The following RIOX2 variants were observed in gnomAD, a reference collection of about 807,000 sequenced individuals.
RIOX2 encodes the protein ribosomal oxygenase 2, also known as 60S ribosomal protein L27a histidine hydroxylase.
A neutral mutation model predicts 51.2 loss-of-function variants in RIOX2; 43 were observed. That is an observed-to-expected ratio of 0.84 (90% CI 0.66 to 1.08). The LOEUF is 1.08. RIOX2 is among the 50% of genes least tolerant of loss of function. RIOX2 has a pLI of 0.00. For missense variants in RIOX2, 566 were observed against 561.7 expected (o/e 1.01, Z -0.08); for synonymous variants, 226 against 218.5 (o/e 1.03, Z -0.30).
At chr3:97,947,820 T>A (rs1264198920) in intron 7 of RIOX2, among the ~76,000 whole-genome samples, 1 of 152,312 alleles carries the variant, frequency 6.6e-6, no homozygotes, top group South Asian at 2.1e-4. Context: ...GCTCAACATA[T>A]GGACTCTGGA....
rs1055238248 is a variant in RIOX2 at position 97,972,427 on chromosome 3, G to T, written c.-86C>A. 1 of 150,864 alleles carries T rather than the reference G, an allele frequency of 6.6e-6. No individual in the cohort carries two copies. Among genetic ancestry groups the T allele is most frequent in the African/African-American group, 2.4e-5 (1 of 41,212 alleles). The allele number at this position is 150,864 out of a possible 1,614,324, so 9.3% of individuals were successfully genotyped here. The stretch of plus-strand genomic sequence containing the variant: ...GGCCGCGAGCCCACTGCGTTGCGGC[G>T]CAGCGGCTGGAGGCGGGGCAGCGTG... On this transcript the variant is annotated 5_prime_UTR_variant, in exon 1 of 10. Transcript: ENST00000394198.
chr3:97,946,604 A>ATCTATATATC (rs1553712246), intron 8 of RIOX2, among the ~76,000 whole-genome samples: 4 of 139,718 alleles, frequency 2.9e-5, no homozygotes, highest in African/African-American at 2.7e-5. Flanking sequence ...ATATATATAT[A>ATCTATATATC]TATCTATTCA....
rs1393159930 is a variant in RIOX2, at chr3:97,960,320, C to T, written c.553-1141G>A. Among the ~76,000 whole-genome samples the T allele has an allele frequency of 3.3e-5, 5 of 152,302 alleles. No individual in the cohort carries two copies. In the East Asian group the frequency reaches 5.8e-4, roughly 18 times the overall value. ...CTTGTAAACAAATGATGTAAACTTA[C>T]GGTACTGATAAACACAATATTAAAA... is the stretch of plus-strand genomic sequence containing the variant. On this transcript the variant is annotated intron_variant, in intron 3 of 9. Coordinates refer to ENST00000394198, the MANE Select transcript of RIOX2 (RefSeq NM_153182.4).
chr3:97,949,847 G>A lies in RIOX2; in HGVS notation c.1057C>T (p.Pro353Ser). Residue 353 changes from proline (P) to serine (S), a missense_variant, in exon 7 of 10, where the codon CCA (proline) becomes TCA (serine). By Grantham distance (74) the Pro-to-Ser change is moderately conservative. Transcript: ENST00000394198. ...AGAAGAAAACAGCAAGCTCCACCTG[G>A]TGTTGACAGCTCTGCCCCATCTCCC... ...SAGDGAELST[P>S]GGKLPRLDSV... 6.2e-7 allele frequency: 1 copy of A among 1,612,458 alleles called. No individual in the cohort carries two copies. Among genetic ancestry groups the A allele is most frequent in the Non-Finnish European group, 8.5e-7 (1 of 1,179,280 alleles).
chr3:97,956,895 G>T (rs1559760220), intron 4 of RIOX2, among the ~76,000 whole-genome samples: 3 of 152,340 alleles, frequency 2.0e-5, no homozygotes, highest in African/African-American at 4.8e-5. Flanking sequence ...AGGAAACTGA[G>T]ACTTGGATTA....
Position 97,945,344 on chromosome 3 carries a change from TGAA to T in RIOX2, c.1240-5_1240-3del. On this transcript the variant is annotated splice_region_variant and splice_polypyrimidine_tract_variant and intron_variant, in intron 9 of 9. Transcript: ENST00000394198. ...CAAAGGGAAGCGAAGTCCATGAAAC[TGAA>T]AGGATAAATTTATTTGTCAAAATAT... is the stretch of plus-strand genomic sequence containing the variant. 1 of 1,607,294 alleles carries T rather than the reference TGAA, an allele frequency of 6.2e-7. No homozygotes were observed. Among genetic ancestry groups the T allele is most frequent in the Non-Finnish European group, 8.5e-7 (1 of 1,177,248 alleles).
chr3:97,958,414 G>A (rs531450448), intron 4 of RIOX2, among the ~76,000 whole-genome samples: 10 of 152,270 alleles, frequency 6.6e-5, no homozygotes, highest in African/African-American at 2.2e-4. Flanking sequence ...GATTGGCTAT[G>A]TTCCCATCGA....
chr3:97,959,066 A>G lies in RIOX2; in HGVS notation c.666T>C (p.His222=), dbSNP rs1044688829. ...EAEERIGRPV[H]EFMLKPGDLL... ...TATCACATACCTTCAGCATAAACTCATGCACCGGCCTGCCGATCCTTTCCT... is the reference window on the plus strand; with the variant it reads ...TATCACATACCTTCAGCATAAACTCGTGCACCGGCCTGCCGATCCTTTCCT... The change falls in exon 4 of 10, where the codon CAT becomes CAC. Residue 222 remains histidine (H), a synonymous_variant. Transcript: ENST00000394198. 2 of 1,611,530 alleles carry G rather than the reference A, an allele frequency of 1.2e-6. No individual in the cohort carries two copies. The highest frequency in any genetic ancestry group is 1.7e-6 in the Non-Finnish European group (2 of 1,178,222).
rs202101403 is a variant in RIOX2 at position 97,961,592 on chromosome 3, G to A, written c.549C>T (p.Val183=). 4.4e-6 allele frequency: 7 copies of A among 1,596,978 alleles called. No individual in the cohort carries two copies. Among genetic ancestry groups the A allele is most frequent in the South Asian group, 1.1e-5 (1 of 87,260 alleles). ...SQGLPPHYDD[V]EVFILQLEGE... is the part of the protein sequence containing the mutation. The stretch of plus-strand genomic sequence containing the variant: ...GGCAATTTTCTCCATCTCTTACCTC[G>A]ACATCATCATAATGGGGCGGCAGGC... Residue 183 remains valine (V), a synonymous_variant, in exon 3 of 10, where the codon GTC becomes GTT. Transcript: ENST00000394198.
chr3:97,943,068 G>T lies in RIOX2; in HGVS notation c.*2116C>A. On this transcript the variant is annotated 3_prime_UTR_variant, in exon 10 of 10. Transcript: ENST00000394198. ...AAGGTCCAATTTGAGGTGAATAATGGCTAAGCCTGTTCAAACTCAGCTTCC... is the reference window on the plus strand; with the variant it reads ...AAGGTCCAATTTGAGGTGAATAATGTCTAAGCCTGTTCAAACTCAGCTTCC... The T allele has an allele frequency of 1.7e-6, 1 of 594,670 alleles. No individual in the cohort carries two copies. The allele number at this position is 594,670 out of a possible 1,614,324, so 36.8% of individuals were successfully genotyped here.
intron 8 of RIOX2, 49 bp downstream of exon 8, chr3:97,947,312 T>G (rs139208573): frequency 1.0e-4 from 156 of 1,487,038 alleles, no homozygotes; most frequent in Middle Eastern, 6.9e-4. Flanking sequence ...AGGCCTCTGA[T>G]GAAAAACACC....
chr3:97,971,600 T>C (rs1382286223), intron 1 of RIOX2: 3 of 152,214 alleles, frequency 2.0e-5, no homozygotes, highest in Admixed American at 6.5e-5. Context: ...CTCAATGTAT[T>C]TTCGTGACCA....
chr3:97,959,039 G>C lies in RIOX2; in HGVS notation c.681+12C>G, dbSNP rs758142821. On this transcript the variant is annotated intron_variant, in intron 4 of 9. Coordinates refer to ENST00000394198, the MANE Select transcript of RIOX2 (RefSeq NM_153182.4). ...CTCTAACAATGAGGTGCCCACAACG[G>C]TTATCACATACCTTCAGCATAAACT... 1.9e-6 allele frequency: 3 copies of C among 1,603,782 alleles called. No homozygotes were observed. The highest frequency in any genetic ancestry group is 3.3e-4 in the Middle Eastern group (2 of 6,002).
rs781444302 is a variant in RIOX2, at chr3:97,961,677, T to C, written c.464A>G (p.Glu155Gly). ...GCCAACCAAGGAGCCAAAGTAACAT[T>C]CCAGCTTCTCCTGGATCCTCCAAAG... is the stretch of plus-strand genomic sequence containing the variant. The part of the protein sequence containing the change: ...DELWRIQEKL[E>G]CYFGSLVGSN... The change falls in exon 3 of 10, where the codon GAA becomes GGA. Residue 155 changes from glutamate to glycine, a missense_variant. Physicochemically the swap from Glu to Gly is moderately conservative, Grantham distance 98 (BLOSUM62 -2). Transcript: ENST00000394198. The C allele has an allele frequency of 7.4e-6, 12 of 1,612,058 alleles. No individual in the cohort carries two copies. Among genetic ancestry groups the C allele is most frequent in the Non-Finnish European group, 9.3e-6 (11 of 1,179,420 alleles).
intron 5 of RIOX2, among the ~76,000 whole-genome samples, chr3:97,953,836 G>C (rs972880018): frequency 8.5e-5 from 13 of 152,262 alleles, no homozygotes; most frequent in African/African-American, 3.1e-4. Context: ...AGTTCCTGCT[G>C]TTCCAGACTG....
Position 97,949,841 on chromosome 3 carries a change from C to CACCTGGTG in RIOX2, c.1055_1060+2dup. 1.2e-6 allele frequency: 2 copies of CACCTGGTG among 1,612,974 alleles called. No homozygotes were observed. The highest frequency in any genetic ancestry group is 1.7e-6 in the Non-Finnish European group (2 of 1,179,530). On this transcript the variant is annotated splice_region_variant and intron_variant, in intron 7 of 9. Coordinates refer to ENST00000394198, the MANE Select transcript of RIOX2 (RefSeq NM_153182.4). Reference sequence around the variant, plus strand: ...CCACCCAGAAGAAAACAGCAAGCTCCACCTGGTGTTGACAGCTCTGCCCCA... The same window carrying CACCTGGTG: ...CCACCCAGAAGAAAACAGCAAGCTCCACCTGGTGACCTGGTGTTGACAGCTCTGCCCCA...
At position 97,943,144 on chromosome 3, in the gene RIOX2, T is replaced by G. The variant is rs951151453; in HGVS notation, c.*2040A>C. 1.3e-6 allele frequency: 1 copy of G among 751,968 alleles called. No individual in the cohort carries two copies. The highest frequency in any genetic ancestry group is 2.3e-6 in the Non-Finnish European group (1 of 442,970). The allele number at this position is 751,968 out of a possible 1,614,324, so 46.6% of individuals were successfully genotyped here. A position where few individuals can be genotyped will look rare whatever the true frequency, so the allele number is the denominator to read the frequency against. On this transcript the variant is annotated 3_prime_UTR_variant, in exon 10 of 10. Transcript: ENST00000394198. ...ACATTCATCCACCGAAATGGTGAGCTGAACAGAAGCTTGTGAAAATTGTGA... is the reference window on the plus strand; with the variant it reads ...ACATTCATCCACCGAAATGGTGAGCGGAACAGAAGCTTGTGAAAATTGTGA...
rs755132591 is a variant in RIOX2, at chr3:97,943,350, G to A, written c.*1834C>T. 8.3e-7 allele frequency: 1 copy of A among 1,209,536 alleles called. No individual in the cohort carries two copies. 74.9% of individuals were successfully genotyped at this position (1,209,536 alleles called of 1,614,324 possible). ...ATCCCTAGAAAGATCCCTAGAAAGA[G>A]CAAAGAAGGAAACACATCTGTCATT... On this transcript the variant is annotated 3_prime_UTR_variant, in exon 10 of 10. Coordinates refer to ENST00000394198, the MANE Select transcript of RIOX2 (RefSeq NM_153182.4).
At position 97,950,016 on chromosome 3, in the gene RIOX2, C is replaced by T; in HGVS notation, c.889-1G>A. ...TAGCAACAGTTGTGGATTCCACCTG[C>T]TAGGAACACAGAAGTGAGTCCTGGC... On this transcript the variant is annotated splice_acceptor_variant, in intron 6 of 9. Transcript: ENST00000394198. LOFTEE classifies it high-confidence loss of function. 1 of 1,613,178 alleles carries T rather than the reference C, an allele frequency of 6.2e-7. No individual in the cohort carries two copies. The highest frequency in any genetic ancestry group is 8.5e-7 in the Non-Finnish European group (1 of 1,179,782).
Sources: gnomAD v4.1 joint callset for allele counts (sites outside exome capture counted in the v4.1 genomes callset) on GRCh38, gnomAD v4.1.1 for gene constraint, MANE v1.5 for transcripts, NCBI Gene and HGNC (gene_info 2026-07-23, HGNC 2026-07-21) for gene names.